Variants in CUBN observed in about 807,000 individuals in gnomAD.
CUBN encodes the protein cubilin.
A neutral mutation model predicts 405.3 loss-of-function variants in CUBN; 282 were observed. The observed-to-expected ratio is 0.70, with a 90% CI of 0.63 to 0.77. The LOEUF is 0.77. CUBN is among the 30% of genes least tolerant of loss of function. The pLI, the probability that CUBN is intolerant of heterozygous loss-of-function variation, is 0.00. For synonymous variants in CUBN, 1,684 were observed against 1,617.0 expected (o/e 1.04, Z -0.99); for missense variants, 4,514 against 4,475.2 (o/e 1.01, Z -0.25).
chr10:17,041,279 T>C, intron 26 of CUBN, 59 bp from the exon 27 acceptor site: 1 of 1,406,328 alleles, frequency 7.1e-7, no homozygotes, highest in East Asian at 2.3e-5. Context: ...TGCTCCAAGA[T>C]GAGATTTTCC....
chr10:16,978,913 T>C (rs1308119193), intron 31 of CUBN, among the ~76,000 whole-genome samples: 2 of 152,222 alleles, frequency 1.3e-5, no homozygotes, highest in Non-Finnish European at 2.9e-5. Context: ...CTGTTGCAGA[T>C]GACATGATTG....
At chr10:16,927,165 T>C (rs1381682675) in intron 41 of CUBN, among the ~76,000 whole-genome samples, 1 of 151,978 alleles carries the variant, frequency 6.6e-6, no homozygotes, top group Non-Finnish European at 1.5e-5. Flanking sequence ...ACTATATACA[T>C]ACATGTGTAT....
chr10:16,968,751 C>T (rs1843469737), intron 31 of CUBN, among the ~76,000 whole-genome samples: 1 of 152,216 alleles, frequency 6.6e-6, no homozygotes, highest in African/African-American at 2.4e-5. Context: ...AGTCAGAGGT[C>T]ACTTTAATAC....
chr10:17,082,363 G>T (rs1835991585), intron 17 of CUBN, among the ~76,000 whole-genome samples: 1 of 152,140 alleles, frequency 6.6e-6, no homozygotes, highest in Non-Finnish European at 1.5e-5. Context: ...CACCATTCTG[G>T]TTTATGAAAT....
intron 56 of CUBN, among the ~76,000 whole-genome samples, chr10:16,882,186 G>C (rs970655759): frequency 6.6e-6 from 1 of 152,208 alleles, no homozygotes; most frequent in African/African-American, 2.4e-5. Context: ...ATGCGAACTT[G>C]TGAGGAAGAG....
chr10:17,057,078 G>A (rs1406608522), intron 22 of CUBN, among the ~76,000 whole-genome samples: 1 of 152,158 alleles, frequency 6.6e-6, no homozygotes, highest in Non-Finnish European at 1.5e-5. Flanking sequence ...ACTGCTGCAA[G>A]GCAGGCAAGC....
At chr10:17,085,215 C>T (rs992263281) in intron 16 of CUBN, among the ~76,000 whole-genome samples, 5 of 152,132 alleles carry the variant, frequency 3.3e-5, no homozygotes, top group African/African-American at 1.2e-4. Flanking sequence ...GGAAGCCAGC[C>T]CCAGCCCCTG....
At chr10:16,985,150 G>A (rs1833380904) in intron 29 of CUBN, among the ~76,000 whole-genome samples, 2 of 152,226 alleles carry the variant, frequency 1.3e-5, no homozygotes. Flanking sequence ...AGGCATTCTT[G>A]TTTCCACACC....
At chr10:16,927,963 G>T (rs1268683193) in intron 41 of CUBN, among the ~76,000 whole-genome samples, 194 bp downstream of exon 41, 2 of 152,120 alleles carry the variant, frequency 1.3e-5, no homozygotes, top group Admixed American at 1.3e-4. Context: ...TGTACGACTT[G>T]GCCCCAGTGC....
At chr10:17,122,437 CT>C in intron 6 of CUBN, 1 of 374,108 alleles carries the variant, frequency 2.7e-6, no homozygotes, top group Non-Finnish European at 5.4e-6. Context: ...GGGGTGTCCC[CT>C]TTTCTACTTA....
intron 35 of CUBN, among the ~76,000 whole-genome samples, chr10:16,948,123 C>T (rs961554377): frequency 2.0e-5 from 3 of 152,194 alleles, no homozygotes; most frequent in Admixed American, 6.5e-5. Context: ...GCAGGAGAAT[C>T]GCTTGAATTG....
At chr10:17,019,500 A>AC (rs949733359) in intron 28 of CUBN, among the ~76,000 whole-genome samples, 2 of 151,872 alleles carry the variant, frequency 1.3e-5, no homozygotes, top group African/African-American at 4.8e-5. Flanking sequence ...AGATACTCCC[A>AC]CCCCAACTTG....
chr10:17,117,650 G>C (rs767532331), intron 6 of CUBN, among the ~76,000 whole-genome samples: 1 of 152,126 alleles, frequency 6.6e-6, no homozygotes, highest in African/African-American at 2.4e-5. Flanking sequence ...GGCTGGTCTC[G>C]AACTCTTGAC....
chr10:16,940,711 G>A (rs1327334172), intron 36 of CUBN, among the ~76,000 whole-genome samples: 1 of 152,124 alleles, frequency 6.6e-6, no homozygotes, highest in Non-Finnish European at 1.5e-5. Flanking sequence ...AGAAGGGCGG[G>A]ACATATTCAG....
intron 59 of CUBN, among the ~76,000 whole-genome samples, chr10:16,867,114 A>G (rs11254255): frequency 3.3e-5 from 5 of 152,384 alleles, no homozygotes; most frequent in African/African-American, 9.6e-5. Flanking sequence ...CGGAAATGTC[A>G]TAGACTAAAA....
intron 28 of CUBN, among the ~76,000 whole-genome samples, chr10:17,008,429 C>CGTGTGTGTGTGTGTGT (rs59235819): frequency 3.1e-4 from 41 of 131,628 alleles, no homozygotes; most frequent in Admixed American, 1.5e-3. Context: ...AATCCCTGCT[C>CGTGTGTGTGTGTGTGT]GTGTGTGTGT....
intron 6 of CUBN, among the ~76,000 whole-genome samples, chr10:17,116,268 A>AATAAGCAATGTT (rs1279203337): frequency 3.9e-5 from 6 of 152,242 alleles, no homozygotes; most frequent in Non-Finnish European, 7.3e-5. Flanking sequence ...ATGATAATCA[A>AATAAGCAATGTT]ATAAGCAATG....
chr10:17,002,686 T>A (rs1833925006), intron 28 of CUBN, among the ~76,000 whole-genome samples: 1 of 152,154 alleles, frequency 6.6e-6, no homozygotes, highest in African/African-American at 2.4e-5. Flanking sequence ...TTCTGAAAGG[T>A]CTGCATATGC....
chr10:16,947,655 C>T (rs1410208373), intron 35 of CUBN, among the ~76,000 whole-genome samples: 2 of 152,214 alleles, frequency 1.3e-5, no homozygotes, highest in African/African-American at 4.8e-5. Context: ...TGTTTACCAT[C>T]CTACAGCCAC....
Sources: allele counts gnomAD v4.1 joint callset (sites outside exome capture counted in the v4.1 genomes callset), GRCh38; gene constraint gnomAD v4.1.1; transcripts MANE v1.5; gene names NCBI Gene and HGNC (gene_info 2026-07-23, HGNC 2026-07-21).